The following ALMS1 variants were observed in gnomAD, a reference collection of about 807,000 sequenced individuals.
ALMS1 encodes centrosome-associated protein ALMS1.
A neutral mutation model predicts 352.2 loss-of-function variants in ALMS1; 271 were observed. The ratio of observed to expected loss-of-function variants is 0.77; its 90% confidence interval spans 0.70 to 0.85. ALMS1 has a LOEUF of 0.85. Among genes scored for constraint, ALMS1 ranks in the 40% least tolerant of loss-of-function variants. The pLI is 0.00. For missense variants in ALMS1, 5,445 were observed against 4,870.7 expected (o/e 1.12, Z -3.51); for synonymous variants, 1,865 against 1,761.2 (o/e 1.06, Z -1.48).
At chr2:73,460,229 T>C (rs1672160330) in intron 9 of ALMS1, among the ~76,000 whole-genome samples, 1 of 152,204 alleles carries the variant, frequency 6.6e-6, no homozygotes, top group African/African-American at 2.4e-5. Flanking sequence ...ACAAGTTTTA[T>C]ATGTAATATA....
chr2:73,571,113 T>C (rs1674917829), intron 15 of ALMS1, among the ~76,000 whole-genome samples: 1 of 152,226 alleles, frequency 6.6e-6, no homozygotes, highest in Non-Finnish European at 1.5e-5. Flanking sequence ...TCTAAAATTG[T>C]ATAGTCTACA....
intron 3 of ALMS1, among the ~76,000 whole-genome samples, chr2:73,420,200 A>G (rs543528660): frequency 6.6e-6 from 1 of 152,304 alleles, no homozygotes; most frequent in South Asian, 2.1e-4. Context: ...CAAATATCTA[A>G]GTGCCTCCTA....
intron 1 of ALMS1, among the ~76,000 whole-genome samples, chr2:73,406,904 C>A (rs1032327812): frequency 2.1e-4 from 32 of 152,214 alleles, no homozygotes; most frequent in African/African-American, 7.5e-4. Context: ...GGATTACAGG[C>A]ATGAGCCACC....
intron 1 of ALMS1, among the ~76,000 whole-genome samples, chr2:73,401,758 G>A (rs536123765): frequency 6.4e-4 from 97 of 151,466 alleles, no homozygotes; most frequent in Non-Finnish European, 1.0e-3. Context: ...ATTAACTATA[G>A]TACTTATATT....
intron 11 of ALMS1, among the ~76,000 whole-genome samples, chr2:73,525,736 C>T (rs1673778051): frequency 6.6e-6 from 1 of 151,762 alleles, no homozygotes; most frequent in Non-Finnish European, 1.5e-5. Flanking sequence ...TGGTTTGTCT[C>T]TTCAGTGTTG....
At position 73,488,199 on chromosome 2, in the gene ALMS1, G is replaced by T. The variant is rs1323315051; in HGVS notation, c.7675-1435G>T. On this transcript the variant is annotated intron_variant, in intron 9 of 22. Transcript: ENST00000613296. ...ACACCCAGGCTGTTTATGTCAGGGG[G>T]CGCCTGCAGGCCCACTCTGAGCTGC... Among the ~76,000 whole-genome samples the T allele has an allele frequency of 2.0e-5, 3 of 152,150 alleles. No individual in the cohort carries two copies. In the East Asian group the frequency reaches 5.8e-4, roughly 29 times the overall value.
chr2:73,490,029 A>G lies in ALMS1; in HGVS notation c.8070A>G (p.Pro2690=). 6.2e-7 allele frequency: 1 copy of G among 1,614,238 alleles called. No individual in the cohort carries two copies. The highest frequency in any genetic ancestry group is 8.5e-7 in the Non-Finnish European group (1 of 1,180,046). Residue 2690 remains proline, a synonymous_variant, in exon 10 of 23, where the codon CCA becomes CCG. Coordinates refer to ENST00000613296, the MANE Select transcript of ALMS1 (RefSeq NM_001378454.1). ...LSELVEPAFV[P]PKEVDFHSSS... is the part of the protein sequence containing the mutation. ...AATTAGTAGAACCTGCTTTTGTGCC[A>G]CCTAAAGAAGTGGATTTTCATTCTT...
chr2:73,405,568 C>G (rs966914604), intron 1 of ALMS1, among the ~76,000 whole-genome samples: 10 of 150,406 alleles, frequency 6.6e-5, no homozygotes, highest in African/African-American at 9.8e-5. Flanking sequence ...TTTTTCTATT[C>G]TCTTTTCTTT....
intron 15 of ALMS1, among the ~76,000 whole-genome samples, chr2:73,562,919 A>G (rs184586768): frequency 2.0e-5 from 3 of 152,096 alleles, no homozygotes; most frequent in South Asian, 2.1e-4. Context: ...ATTTACCCCT[A>G]AAAGAGTTAA....
At chr2:73,464,753 G>A (rs916563311) in intron 9 of ALMS1, among the ~76,000 whole-genome samples, 4 of 152,132 alleles carry the variant, frequency 2.6e-5, no homozygotes, top group Non-Finnish European at 4.4e-5. Flanking sequence ...CAAAGTCTCA[G>A]GATACAAAAT....
intron 19 of ALMS1, among the ~76,000 whole-genome samples, 183 bp downstream of exon 19, chr2:73,601,619 C>T (rs565521351): frequency 6.6e-6 from 1 of 152,350 alleles, no homozygotes; most frequent in South Asian, 2.1e-4. Context: ...TCAAAGGCTG[C>T]CTTACTCCTA....
chr2:73,500,849 T>C (rs1377999249), intron 10 of ALMS1, among the ~76,000 whole-genome samples: 1 of 152,160 alleles, frequency 6.6e-6, no homozygotes, highest in African/African-American at 2.4e-5. Flanking sequence ...AGTCTTCCAA[T>C]AGCTGCTCCA....
chr2:73,609,435 G>A, intron 22 of ALMS1, 133 bp from the exon 23 acceptor site: 1 of 839,118 alleles, frequency 1.2e-6, no homozygotes, highest in South Asian at 1.4e-5. Context: ...AGTTTCTGAA[G>A]CAGAGTAAAA....
At chr2:73,422,799 C>A in intron 3 of ALMS1, 58 bp from the exon 4 acceptor site, 1 of 1,364,216 alleles carries the variant, frequency 7.3e-7, no homozygotes, top group Non-Finnish European at 1.0e-6. Context: ...GTATTATATA[C>A]GTAAGTAAAT....
chr2:73,600,991 A>G, intron 18 of ALMS1, 110 bp downstream of exon 18: 4 of 1,410,740 alleles, frequency 2.8e-6, no homozygotes, highest in East Asian at 2.4e-5. Flanking sequence ...ACCTACCCCC[A>G]GCCACAACCT....
chr2:73,448,556 T>C lies in ALMS1; in HGVS notation c.2029T>C (p.Phe677Leu). The C allele has an allele frequency of 1.9e-6, 3 of 1,613,624 alleles. No homozygotes were observed. The highest frequency in any genetic ancestry group is 2.5e-6 in the Non-Finnish European group (3 of 1,179,826). Reference sequence around the variant, plus strand: ...CCACTCACATGTAGAGGACCTCCTCTTTTTCTATCGACAGACCTTGCCAGA... The same window carrying C: ...CCACTCACATGTAGAGGACCTCCTCCTTTTCTATCGACAGACCTTGCCAGA... ...TSHSHVEDLL[F>L]FYRQTLPDGH... is the part of the protein sequence containing the mutation. The change falls in exon 8 of 23, where the codon TTT becomes CTT. Residue 677 changes from phenylalanine to leucine, a missense_variant. By Grantham distance (22) the Phe-to-Leu change is conservative. Coordinates refer to ENST00000613296, the MANE Select transcript of ALMS1 (RefSeq NM_001378454.1).
chr2:73,450,928 C>T lies in ALMS1; in HGVS notation c.4401C>T (p.Gly1467=). The T allele has an allele frequency of 6.2e-7, 1 of 1,613,902 alleles. No individual in the cohort carries two copies. Among genetic ancestry groups the T allele is most frequent in the South Asian group, 1.1e-5 (1 of 91,064 alleles). The change falls in exon 8 of 23, where the codon GGC becomes GGT. Residue 1467 remains glycine, a synonymous_variant. Transcript: ENST00000613296. ...VAPGPVDQTI[G]TPTVTSPSSS... The stretch of plus-strand genomic sequence containing the variant: ...CTGGACCAGTTGACCAGACGATTGG[C>T]ACACCAACTGTAACCTCCCCTTCCA...
chr2:73,541,590 G>T (rs1674182086), intron 12 of ALMS1, among the ~76,000 whole-genome samples: 1 of 152,058 alleles, frequency 6.6e-6, no homozygotes, highest in Admixed American at 6.6e-5. Context: ...CTGGTTTTTT[G>T]AAAAGATCAA....
intron 9 of ALMS1, among the ~76,000 whole-genome samples, chr2:73,483,596 G>T (rs1672761214): frequency 6.6e-6 from 1 of 151,592 alleles, no homozygotes; most frequent in Non-Finnish European, 1.5e-5. Flanking sequence ...GGTCCACTTG[G>T]TGCAGAGCTG....
Sources: allele counts gnomAD v4.1 joint callset (sites outside exome capture counted in the v4.1 genomes callset), GRCh38; gene constraint gnomAD v4.1.1; transcripts MANE v1.5; gene names NCBI Gene and HGNC (gene_info 2026-07-23, HGNC 2026-07-21).